ADK: variants seen among roughly 807,000 people sequenced by gnomAD.
ADK encodes the protein N6,N6-dimethyladenosine kinase.
In ADK, 24 loss-of-function variants were observed where a neutral mutation model predicts 44.7. That is an observed-to-expected ratio of 0.54 (90% CI 0.39 to 0.76). ADK has a LOEUF of 0.76. Ranked by LOEUF, ADK falls within the 30% of genes least tolerant of loss-of-function variation. The probability of loss-of-function intolerance (pLI) is 0.00; values close to 1 mark genes in which losing one functional copy is unlikely to be tolerated. For synonymous variants in ADK, 128 were observed against 142.6 expected (o/e 0.90, Z 0.73); for missense variants, 321 against 425.1 (o/e 0.76, Z 2.15).
At chr10:74,181,168 T>G (rs1468865456) in intron 1 of ADK, among the ~76,000 whole-genome samples, 1 of 152,196 alleles carries the variant, frequency 6.6e-6, no homozygotes, top group East Asian at 1.9e-4. Flanking sequence ...AGATATGAGA[T>G]CTCTAGATAC....
At chr10:74,217,017 G>A (rs929081206) in intron 2 of ADK, among the ~76,000 whole-genome samples, 5 of 152,220 alleles carry the variant, frequency 3.3e-5, no homozygotes, top group East Asian at 1.9e-4. Flanking sequence ...GACAGTGGGC[G>A]CAGGTCAGTG....
chr10:74,620,202 T>A (rs1432024830), intron 9 of ADK, among the ~76,000 whole-genome samples: 2 of 152,246 alleles, frequency 1.3e-5, no homozygotes, highest in East Asian at 3.8e-4. Flanking sequence ...TGTAGAACAC[T>A]AGAATTTATT....
chr10:74,554,074 GA>G (rs1243523791), intron 7 of ADK, among the ~76,000 whole-genome samples: 5 of 152,098 alleles, frequency 3.3e-5, no homozygotes, highest in Non-Finnish European at 7.4e-5. Flanking sequence ...CTTTTATATT[GA>G]GTAAAACCAA....
chr10:74,393,111 C>G (rs1029035255), intron 4 of ADK, among the ~76,000 whole-genome samples: 3 of 152,048 alleles, frequency 2.0e-5, no homozygotes, highest in African/African-American at 7.2e-5. Flanking sequence ...TCTTACAGTT[C>G]TGTCTTTGTT....
chr10:74,364,638 C>G (rs1384394717), intron 4 of ADK, among the ~76,000 whole-genome samples: 2 of 151,526 alleles, frequency 1.3e-5, no homozygotes, highest in African/African-American at 2.4e-5. Flanking sequence ...ACTCTTACAG[C>G]TCTTCTAATG....
At chr10:74,684,958 C>CA (rs1374567665) in intron 10 of ADK, among the ~76,000 whole-genome samples, 2 of 152,062 alleles carry the variant, frequency 1.3e-5, no homozygotes, top group Non-Finnish European at 2.9e-5. Flanking sequence ...ATTGTCTTAA[C>CA]AATAAAAGCT....
At chr10:74,707,299 G>A (rs1358519734) in intron 10 of ADK, among the ~76,000 whole-genome samples, 3 of 152,188 alleles carry the variant, frequency 2.0e-5, no homozygotes, top group South Asian at 2.1e-4. Context: ...GCCTCTCAGA[G>A]TGCTGGGATT....
At chr10:74,588,352 A>G (rs947939953) in intron 7 of ADK, among the ~76,000 whole-genome samples, 2 of 148,612 alleles carry the variant, frequency 1.3e-5, no homozygotes, top group African/African-American at 5.2e-5. Context: ...GTATAAACCA[A>G]TTAAGGTTTA....
intron 3 of ADK, among the ~76,000 whole-genome samples, chr10:74,262,356 C>CT (rs1280522602): frequency 1.3e-5 from 2 of 149,148 alleles, no homozygotes; most frequent in African/African-American, 4.9e-5. Context: ...CATATATTAT[C>CT]TTTTTTGCAT....
At chr10:74,349,454 A>G (rs182343097) in intron 4 of ADK, among the ~76,000 whole-genome samples, 135 of 152,344 alleles carry the variant, frequency 8.9e-4, no homozygotes, top group African/African-American at 3.2e-3. Flanking sequence ...TAGCCACTGC[A>G]CAAACACACC....
chr10:74,229,458 C>A (rs531581870), intron 3 of ADK, among the ~76,000 whole-genome samples: 1 of 133,968 alleles, frequency 7.5e-6, no homozygotes. Context: ...AGTGCAGTGG[C>A]GTGATCTCGG....
intron 4 of ADK, among the ~76,000 whole-genome samples, chr10:74,334,534 C>A (rs1043563882): frequency 6.6e-6 from 1 of 152,122 alleles, no homozygotes; most frequent in Admixed American, 6.6e-5. Context: ...TTTTCTTTGA[C>A]TGAGGAGTCT....
intron 4 of ADK, among the ~76,000 whole-genome samples, chr10:74,336,391 T>C (rs1450402629): frequency 1.3e-5 from 2 of 152,224 alleles, no homozygotes; most frequent in African/African-American, 2.4e-5. Flanking sequence ...TGTCTCTTCT[T>C]TCTCCAATAT....
At chr10:74,334,219 TCTC>T (rs1841332611) in intron 4 of ADK, among the ~76,000 whole-genome samples, 1 of 152,186 alleles carries the variant, frequency 6.6e-6, no homozygotes, top group African/African-American at 2.4e-5. Flanking sequence ...CAGAGACAGT[TCTC>T]CTCACTTGTT....
intron 3 of ADK, among the ~76,000 whole-genome samples, chr10:74,302,119 T>TG (rs1840071800): frequency 4.0e-5 from 1 of 24,926 alleles, no homozygotes; most frequent in Non-Finnish European, 9.5e-5. Flanking sequence ...GTTTTTTTTT[T>TG]TTTTTTTTTT....
intron 7 of ADK, among the ~76,000 whole-genome samples, chr10:74,551,651 A>C (rs1044688722): frequency 6.6e-6 from 1 of 152,224 alleles, no homozygotes; most frequent in African/African-American, 2.4e-5. Flanking sequence ...ATGTTTGTAC[A>C]TAATTTCTTT....
chr10:74,444,328 G>T (rs1845523415), intron 6 of ADK, among the ~76,000 whole-genome samples: 1 of 152,090 alleles, frequency 6.6e-6, no homozygotes, highest in Non-Finnish European at 1.5e-5. Flanking sequence ...CTGACCCAAG[G>T]TTTTGGATTT....
chr10:74,243,099 T>C (rs995178613), intron 3 of ADK, among the ~76,000 whole-genome samples: 1 of 152,152 alleles, frequency 6.6e-6, no homozygotes, highest in African/African-American at 2.4e-5. Context: ...CCCCACGCAA[T>C]GTGGTAAGGG....
rs1564642239 is a variant in ADK, at chr10:74,302,101, G to GTTTTTTTTTTTTTTT, written c.195-12563_195-12562insTTTTTTTTTTTTTTT. ...TTCTTTTCTTTTCTGTTTTTTTTTTGTTTGTTTGTTTTTTTTTTTTTTTTT... is the reference window on the plus strand; with the variant it reads ...TTCTTTTCTTTTCTGTTTTTTTTTTGTTTTTTTTTTTTTTTTTTGTTTGTTTTTTTTTTTTTTTTT... On this transcript the variant is annotated intron_variant, in intron 3 of 10. Coordinates refer to ENST00000539909, the MANE Select transcript of ADK (RefSeq NM_006721.4). Among the ~76,000 whole-genome samples the GTTTTTTTTTTTTTTT allele has an allele frequency of 3.4e-4, 4 of 11,692 alleles. 1 individual carries two copies. The highest frequency in any genetic ancestry group is 1.1e-3 in the African/African-American group (4 of 3,530). The allele number at this position is 11,692 out of a possible 152,430, so 7.7% of individuals were successfully genotyped here. A position where few individuals can be genotyped will look rare whatever the true frequency, so the allele number is the denominator to read the frequency against.
Sources: gnomAD v4.1 joint callset for allele counts (sites outside exome capture counted in the v4.1 genomes callset) on GRCh38, gnomAD v4.1.1 for gene constraint, MANE v1.5 for transcripts, NCBI Gene and HGNC (gene_info 2026-07-23, HGNC 2026-07-21) for gene names.